Variants in FGF12 observed in about 807,000 individuals in gnomAD.
FGF12 encodes the protein fibroblast growth factor 12B.
Under a neutral mutation model 23.6 loss-of-function variants are expected in FGF12, and 14 were observed. The observed-to-expected ratio is 0.59, with a 90% CI of 0.39 to 0.93. FGF12 has a LOEUF of 0.93. FGF12 is among the 40% of genes least tolerant of loss of function. The probability of loss-of-function intolerance (pLI) is 0.00; values close to 1 mark genes in which losing one functional copy is unlikely to be tolerated. For synonymous variants in FGF12, 62 were observed against 77.3 expected (o/e 0.80, Z 1.04); for missense variants, 175 against 217.8 (o/e 0.80, Z 1.24).
chr3:192,319,000 A>G (rs1457151259), intron 4 of FGF12, among the ~76,000 whole-genome samples: 1 of 152,130 alleles, frequency 6.6e-6, no homozygotes, highest in Non-Finnish European at 1.5e-5. Context: ...CAAAACTTGT[A>G]TCCTAGAATA....
rs1272671405 is a variant in FGF12 at position 192,268,205 on chromosome 3, G to C, written c.228+67156C>G. ...TAGAGGATTACAAACTGATTACCCA[G>C]ACTGCACTTCTCTGCCCTACATACT... On this transcript the variant is annotated intron_variant, in intron 4 of 5. Coordinates refer to ENST00000445105, the MANE Select transcript of FGF12 (RefSeq NM_004113.6). 3.9e-5 allele frequency among the ~76,000 whole-genome samples: 6 copies of C among 152,120 alleles called. No individual in the cohort carries two copies. In the East Asian group the frequency reaches 1.2e-3, roughly 29 times the overall value.
At chr3:192,334,772 AG>A (rs1717309099) in intron 4 of FGF12, among the ~76,000 whole-genome samples, 1 of 152,296 alleles carries the variant, frequency 6.6e-6, no homozygotes, top group South Asian at 2.1e-4. Flanking sequence ...ATTTGCCCAA[AG>A]GGATATCAAG....
At chr3:192,382,545 T>A (rs988239753) in intron 2 of FGF12, among the ~76,000 whole-genome samples, 1 of 151,844 alleles carries the variant, frequency 6.6e-6, no homozygotes, top group Non-Finnish European at 1.5e-5. Context: ...AAAAAAAAAA[T>A]ACGTTGGTAT....
chr3:192,356,795 C>T (rs1164136290), intron 3 of FGF12, among the ~76,000 whole-genome samples: 1 of 152,178 alleles, frequency 6.6e-6, no homozygotes, highest in East Asian at 1.9e-4. Context: ...CTCCTACACA[C>T]ACAAAGTAGA....
intron 2 of FGF12, among the ~76,000 whole-genome samples, chr3:192,556,613 T>C (rs1187292689): frequency 6.6e-6 from 1 of 152,022 alleles, no homozygotes; most frequent in Non-Finnish European, 1.5e-5. Context: ...GGACCAAACA[T>C]ACAGAGAAGA....
In FGF12 at chr3:192,317,879, CAG is replaced by C. The variant is rs150180075; in HGVS notation, c.228+17480_228+17481del. On this transcript the variant is annotated intron_variant, in intron 4 of 5. Transcript: ENST00000445105. ...ACCTCCAGCTCCAGGCAGCTTAGCA[CAG>C]AGAGAGAGAGAGAGACTGCATTTGC... 1.5e-3 allele frequency among the ~76,000 whole-genome samples: 230 copies of C among 149,212 alleles called. 1 individual carries two copies. The highest frequency in any genetic ancestry group is 1.5e-3 in the Admixed American group (23 of 15,036).
intron 2 of FGF12, among the ~76,000 whole-genome samples, chr3:192,541,744 G>T (rs1426066630): frequency 1.3e-5 from 2 of 151,766 alleles, no homozygotes; most frequent in Admixed American, 6.6e-5. Flanking sequence ...TTATTTGTCT[G>T]GGAAAAATCT....
At chr3:192,602,051 T>G (rs1269862151) in intron 2 of FGF12, among the ~76,000 whole-genome samples, 1 of 152,156 alleles carries the variant, frequency 6.6e-6, no homozygotes, top group Non-Finnish European at 1.5e-5. Flanking sequence ...TTGTTTAAAC[T>G]GATAGAATGT....
intron 2 of FGF12, among the ~76,000 whole-genome samples, chr3:192,428,095 A>C (rs144839811): frequency 2.4e-3 from 368 of 152,276 alleles, no homozygotes; most frequent in Non-Finnish European, 4.2e-3. Context: ...ATCTTTCTCA[A>C]TTGCAACTTT....
At chr3:192,487,151 C>T (rs1307555044) in intron 2 of FGF12, among the ~76,000 whole-genome samples, 1 of 151,974 alleles carries the variant, frequency 6.6e-6, no homozygotes, top group African/African-American at 2.4e-5. Flanking sequence ...CTTCCAAATC[C>T]CCTACTGCCT....
intron 5 of FGF12, among the ~76,000 whole-genome samples, chr3:192,162,007 T>C (rs1157788132): frequency 3.3e-5 from 5 of 152,128 alleles, no homozygotes; most frequent in Non-Finnish European, 5.9e-5. Flanking sequence ...TTAAACTCTA[T>C]AAAGAACCTC....
intron 4 of FGF12, among the ~76,000 whole-genome samples, chr3:192,234,882 G>C (rs901810943): frequency 3.9e-5 from 6 of 152,174 alleles, no homozygotes; most frequent in African/African-American, 1.4e-4. Context: ...TACATCCCAG[G>C]ACTAAAGCCT....
chr3:192,669,499 A>C (rs1001863738), intron 2 of FGF12, among the ~76,000 whole-genome samples: 2 of 150,940 alleles, frequency 1.3e-5, no homozygotes, highest in African/African-American at 2.4e-5. Context: ...AGGCAGGAGA[A>C]TCGCTTGAAT....
chr3:192,717,691 T>C (rs186434541), intron 2 of FGF12, among the ~76,000 whole-genome samples: 2 of 152,322 alleles, frequency 1.3e-5, no homozygotes, highest in Admixed American at 6.5e-5. Flanking sequence ...ATCCAAATAT[T>C]GTCACTTTTT....
intron 2 of FGF12, among the ~76,000 whole-genome samples, chr3:192,487,650 C>T (rs572016871): frequency 2.0e-5 from 3 of 152,136 alleles, no homozygotes; most frequent in East Asian, 3.9e-4. Flanking sequence ...TGCTGCCTAA[C>T]GTGCTTTGTT....
At chr3:192,255,758 G>T (rs1380319129) in intron 4 of FGF12, among the ~76,000 whole-genome samples, 7 of 151,970 alleles carry the variant, frequency 4.6e-5, no homozygotes, top group Non-Finnish European at 1.0e-4. Flanking sequence ...TAACATGAAA[G>T]AAATATGTTA....
intron 5 of FGF12, among the ~76,000 whole-genome samples, chr3:192,164,568 G>C (rs1232534372): frequency 6.6e-6 from 1 of 152,066 alleles, no homozygotes; most frequent in Non-Finnish European, 1.5e-5. Context: ...ACACCAGCAG[G>C]ACTGGGATAA....
At chr3:192,265,129 G>A (rs528776594) in intron 4 of FGF12, 36 of 152,216 alleles carry the variant, frequency 2.4e-4, no homozygotes, top group African/African-American at 7.9e-4. Context: ...TGACAAACAA[G>A]GTAACTTAAG....
intron 4 of FGF12, among the ~76,000 whole-genome samples, chr3:192,182,297 G>A (rs1263109485): frequency 1.3e-5 from 2 of 151,968 alleles, no homozygotes; most frequent in Non-Finnish European, 2.9e-5. Context: ...GAATTTAGGG[G>A]AAAAATTCTG....
Sources: gnomAD v4.1 joint callset for allele counts (sites outside exome capture counted in the v4.1 genomes callset) on GRCh38, gnomAD v4.1.1 for gene constraint, MANE v1.5 for transcripts, NCBI Gene and HGNC (gene_info 2026-07-23, HGNC 2026-07-21) for gene names.